The following ENTREP2 variants were observed in gnomAD, a reference collection of about 807,000 sequenced individuals.
ENTREP2 encodes protein ENTREP2.
the ENTREP2 span, among the ~76,000 whole-genome samples, chr15:29,187,674 G>T: frequency 1.3e-5 from 2 of 152,276 alleles, no homozygotes; most frequent in South Asian, 2.1e-4. Context: ...AGACACAGAA[G>T]AGGTGCTCAA....
At chr15:29,617,126 T>C in the ENTREP2 span, among the ~76,000 whole-genome samples, 1 of 152,162 alleles carries the variant, frequency 6.6e-6, no homozygotes, top group African/African-American at 2.4e-5. Flanking sequence ...CATGTGATTA[T>C]GGAGGCTGGG....
chr15:29,314,333 A>G, the ENTREP2 span, among the ~76,000 whole-genome samples: 2 of 152,320 alleles, frequency 1.3e-5, no homozygotes, highest in Admixed American at 6.5e-5. Context: ...TGTAAAAGGA[A>G]GAGCCAATCA....
At chr15:29,417,582 AT>A in the ENTREP2 span, among the ~76,000 whole-genome samples, 1 of 152,154 alleles carries the variant, frequency 6.6e-6, no homozygotes, top group African/African-American at 2.4e-5. Flanking sequence ...AACATGGCAC[AT>A]GTATACATAT....
the ENTREP2 span, among the ~76,000 whole-genome samples, chr15:29,455,674 C>A: frequency 6.6e-6 from 1 of 152,196 alleles, no homozygotes; most frequent in Admixed American, 6.5e-5. Context: ...GGCCACCGAC[C>A]AGTATCAGTC....
chr15:29,581,211 T>G, the ENTREP2 span, among the ~76,000 whole-genome samples: 2 of 152,328 alleles, frequency 1.3e-5, no homozygotes, highest in Admixed American at 1.3e-4. Context: ...TCAGATTTGA[T>G]TATAATCATC....
At chr15:29,672,496 G>T in the ENTREP2 span, among the ~76,000 whole-genome samples, 1 of 151,882 alleles carries the variant, frequency 6.6e-6, no homozygotes, top group Non-Finnish European at 1.5e-5. Context: ...GTCAAATCAA[G>T]TATGGGAAAT....
the ENTREP2 span, among the ~76,000 whole-genome samples, chr15:29,158,778 A>C: frequency 1.3e-5 from 2 of 151,956 alleles, no homozygotes; most frequent in African/African-American, 2.4e-5. Context: ...GGATATTCTG[A>C]TGTTATTAGC....
the ENTREP2 span, among the ~76,000 whole-genome samples, chr15:29,392,180 T>C: frequency 2.0e-5 from 3 of 151,900 alleles, no homozygotes; most frequent in Admixed American, 2.0e-4. Flanking sequence ...GCCAGGATGG[T>C]CTCGATCTCC....
chr15:29,245,587 T>C, the ENTREP2 span, among the ~76,000 whole-genome samples: 2 of 151,154 alleles, frequency 1.3e-5, no homozygotes, highest in African/African-American at 4.8e-5. Context: ...ATAGCCAGTT[T>C]CCTTAACATA....
chr15:29,167,178 T>C, the ENTREP2 span, among the ~76,000 whole-genome samples: 1 of 152,140 alleles, frequency 6.6e-6, no homozygotes, highest in Admixed American at 6.6e-5. Context: ...TCAAGATGGA[T>C]TAAAGACTTA....
the ENTREP2 span, among the ~76,000 whole-genome samples, chr15:29,566,767 TC>T: frequency 2.6e-5 from 4 of 152,116 alleles, no homozygotes; most frequent in Non-Finnish European, 5.9e-5. Flanking sequence ...CACTTTTTTA[TC>T]TTCAGTTATT....
the ENTREP2 span, among the ~76,000 whole-genome samples, chr15:29,508,383 TC>T: frequency 3.3e-4 from 51 of 152,280 alleles, no homozygotes; most frequent in Non-Finnish European, 5.0e-4. Flanking sequence ...GAGGGACTCC[TC>T]CCTAACTCAT....
the ENTREP2 span, chr15:29,136,296 G>T: frequency 7.1e-7 from 1 of 1,414,984 alleles, no homozygotes; most frequent in Non-Finnish European, 9.2e-7. Context: ...GGTGCCTTCC[G>T]AGGGCAGGCC....
chr15:29,194,083 G>A, the ENTREP2 span, among the ~76,000 whole-genome samples: 1 of 152,194 alleles, frequency 6.6e-6, no homozygotes, highest in Non-Finnish European at 1.5e-5. Flanking sequence ...TAAAATCCCA[G>A]CAGGATTCTA....
chr15:29,335,882 C>T, the ENTREP2 span, among the ~76,000 whole-genome samples: 13 of 152,020 alleles, frequency 8.6e-5, no homozygotes, highest in African/African-American at 2.9e-4. Flanking sequence ...TGGCTCACAC[C>T]TGTAATCCCA....
chr15:29,149,983 G>A, the ENTREP2 span, among the ~76,000 whole-genome samples: 9 of 152,218 alleles, frequency 5.9e-5, no homozygotes, highest in Non-Finnish European at 1.3e-4. Context: ...GCCGCAGCCT[G>A]CCTTTCCCTT....
the ENTREP2 span, among the ~76,000 whole-genome samples, chr15:29,344,931 G>GACACACACACACACACACACACACACAC: frequency 2.7e-4 from 39 of 142,602 alleles, no homozygotes; most frequent in African/African-American, 8.4e-4. Context: ...CACGCGCGCA[G>GACACACACACACACACACACACACACAC]ACACACACAC....
chr15:29,157,853 C>A, the ENTREP2 span, among the ~76,000 whole-genome samples: 1 of 152,116 alleles, frequency 6.6e-6, no homozygotes, highest in South Asian at 2.1e-4. Flanking sequence ...CCTCAGCCTC[C>A]CGAGTAGCTG....
At chr15:29,136,772 A>C in the ENTREP2 span, among the ~76,000 whole-genome samples, 6 of 152,006 alleles carry the variant, frequency 3.9e-5, no homozygotes, top group Non-Finnish European at 7.4e-5. Flanking sequence ...ATTAAACTGT[A>C]CATGTTACAC....
Sources: gnomAD v4.1 joint callset for allele counts (sites outside exome capture counted in the v4.1 genomes callset) on GRCh38, gnomAD v4.1.1 for gene constraint, MANE v1.5 for transcripts, NCBI Gene and HGNC (gene_info 2026-07-23, HGNC 2026-07-21) for gene names.